FNDC3A: variants seen among roughly 807,000 people sequenced by gnomAD.
FNDC3A encodes the protein fibronectin type-III domain-containing protein 3A.
FNDC3A carries 32 observed loss-of-function variants against 148.9 expected under a neutral mutation model. The ratio of observed to expected loss-of-function variants is 0.21; its 90% confidence interval spans 0.16 to 0.29. The LOEUF is 0.29. Ranked by LOEUF, FNDC3A falls within the 10% of genes least tolerant of loss-of-function variation. The probability of loss-of-function intolerance (pLI) is 1.00; values close to 1 mark genes in which losing one functional copy is unlikely to be tolerated. For synonymous variants in FNDC3A, 472 were observed against 473.6 expected (o/e 1.00, Z 0.04); for missense variants, 1,191 against 1,452.8 (o/e 0.82, Z 2.93).
rs150103698 is a variant in FNDC3A at position 49,168,839 on chromosome 13, A to G, written c.1176+88A>G. 3.3e-5 allele frequency: 40 copies of G among 1,223,750 alleles called. No homozygotes were observed. The Middle Eastern group carries it at 9.8e-4, about 30-fold the overall frequency. 75.8% of individuals were successfully genotyped at this position (1,223,750 alleles called of 1,614,324 possible). On this transcript the variant is annotated intron_variant, in intron 10 of 25. Coordinates refer to ENST00000492622, the MANE Select transcript of FNDC3A (RefSeq NM_001079673.2). The stretch of plus-strand genomic sequence containing the variant: ...TTAAGTTTCAATTGTTGCTGGAGAC[A>G]AAGAGCTTTAATTTGTTCCTGCTTT...
intron 3 of FNDC3A, among the ~76,000 whole-genome samples, 199 bp downstream of exon 3, chr13:49,075,563 G>T (rs891442770): frequency 6.6e-6 from 1 of 152,034 alleles, no homozygotes; most frequent in Non-Finnish European, 1.5e-5. Context: ...TGATTATGTT[G>T]ATTATTCTTG....
intron 3 of FNDC3A, among the ~76,000 whole-genome samples, chr13:49,092,655 A>G (rs1400446022): frequency 6.6e-6 from 1 of 152,122 alleles, no homozygotes; most frequent in Admixed American, 6.5e-5. Context: ...AAAATCACAC[A>G]GGAGCATGCA....
At chr13:49,123,378 C>T (rs1371223979) in intron 4 of FNDC3A, among the ~76,000 whole-genome samples, 1 of 152,038 alleles carries the variant, frequency 6.6e-6, no homozygotes, top group Non-Finnish European at 1.5e-5. Flanking sequence ...AATATAAAAC[C>T]TAAAACCGTA....
chr13:49,073,747 G>A (rs956780259), intron 2 of FNDC3A, among the ~76,000 whole-genome samples: 3 of 142,892 alleles, frequency 2.1e-5, no homozygotes, highest in Non-Finnish European at 3.0e-5. Flanking sequence ...TATAATATAT[G>A]TGTATATATA....
intron 8 of FNDC3A, among the ~76,000 whole-genome samples, chr13:49,150,403 C>A (rs537627441): frequency 3.8e-4 from 58 of 152,234 alleles, no homozygotes; most frequent in African/African-American, 1.3e-3. Context: ...ACATTTATTG[C>A]TATAAACTTC....
intron 2 of FNDC3A, among the ~76,000 whole-genome samples, chr13:49,035,759 T>C (rs1874445743): frequency 6.6e-6 from 1 of 152,100 alleles, no homozygotes; most frequent in Admixed American, 6.5e-5. Context: ...TACCCATTAA[T>C]TGTTTGCCAA....
At position 48,991,515 on chromosome 13, in the gene FNDC3A, C is replaced by T. The variant is rs548440024; in HGVS notation, c.-39-14637C>T. ...CAGCCTGGGCAATGTGGTGAAACTACGTCTCTACAAAAAAATACAAAAATT... is the reference window on the plus strand; with the variant it reads ...CAGCCTGGGCAATGTGGTGAAACTATGTCTCTACAAAAAAATACAAAAATT... On this transcript the variant is annotated intron_variant, in intron 1 of 25. Coordinates refer to ENST00000492622, the MANE Select transcript of FNDC3A (RefSeq NM_001079673.2). 2.7e-3 allele frequency among the ~76,000 whole-genome samples: 416 copies of T among 151,790 alleles called. 2 individuals carry two copies. The highest frequency in any genetic ancestry group is 9.6e-3 in the African/African-American group (397 of 41,402).
In FNDC3A at chr13:49,197,732, T is replaced by G; in HGVS notation, c.2348T>G (p.Leu783Trp). 1 of 1,602,086 alleles carries G rather than the reference T, an allele frequency of 6.2e-7. No homozygotes were observed. The highest frequency in any genetic ancestry group is 8.5e-7 in the Non-Finnish European group (1 of 1,177,348). Residue 783 changes from leucine to tryptophan, a missense_variant, in exon 21 of 26, where the codon TTG becomes TGG. By Grantham distance (61) the Leu-to-Trp change is moderately conservative. This residue lies in a region of FNDC3A where 751 missense variants were observed against 944.0 expected (regional missense o/e 0.80). Coordinates refer to ENST00000492622, the MANE Select transcript of FNDC3A (RefSeq NM_001079673.2). ...CCTTTTCTTAATTTAAAGGTTCCTT[T>G]GAGTAATGGAACAGATGTCACTGAA... Reference protein sequence around the residue: ...TCAQVNWEVPLSNGTDVTEYR... With the variant: ...TCAQVNWEVPWSNGTDVTEYR...
intron 7 of FNDC3A, among the ~76,000 whole-genome samples, chr13:49,139,476 T>G (rs560011393): frequency 6.6e-6 from 1 of 152,320 alleles, no homozygotes; most frequent in East Asian, 1.9e-4. Context: ...TTTGTTTTTC[T>G]GAGAAAACAG....
At chr13:49,159,595 C>G (rs749522198) in intron 8 of FNDC3A, among the ~76,000 whole-genome samples, 5 of 152,128 alleles carry the variant, frequency 3.3e-5, no homozygotes, top group Admixed American at 6.6e-5. Flanking sequence ...GTTTTCCTAA[C>G]TGAATACCAT....
chr13:49,063,230 A>G (rs1351995021), intron 2 of FNDC3A, among the ~76,000 whole-genome samples: 1 of 152,234 alleles, frequency 6.6e-6, no homozygotes, highest in Non-Finnish European at 1.5e-5. Context: ...ATGTTTCCTA[A>G]CATTAAAGCC....
intron 7 of FNDC3A, 143 bp from the exon 8 acceptor site, chr13:49,145,635 A>G (rs1219520159): frequency 1.5e-6 from 1 of 650,214 alleles, no homozygotes; most frequent in Non-Finnish European, 2.6e-6. Context: ...ATTATTTGCA[A>G]TGGGCAGGTT....
intron 8 of FNDC3A, among the ~76,000 whole-genome samples, chr13:49,161,017 G>T (rs936955290): frequency 2.0e-5 from 3 of 152,176 alleles, no homozygotes; most frequent in African/African-American, 7.2e-5. Flanking sequence ...TTTTACATTT[G>T]CTGAGGAGTG....
At chr13:49,201,265 T>C (rs748916361) in intron 23 of FNDC3A, 1 of 167,288 alleles carries the variant, frequency 6.0e-6, no homozygotes, top group Middle Eastern at 5.0e-4. Flanking sequence ...TCATACTGCT[T>C]TTGTAAATCT....
intron 23 of FNDC3A, among the ~76,000 whole-genome samples, chr13:49,200,004 C>T (rs977004159): frequency 2.0e-5 from 3 of 152,076 alleles, no homozygotes; most frequent in African/African-American, 7.2e-5. Flanking sequence ...ATTCTAATGC[C>T]AACTAGGGCT....
chr13:49,065,236 T>C (rs1877185831), intron 2 of FNDC3A, among the ~76,000 whole-genome samples: 1 of 152,144 alleles, frequency 6.6e-6, no homozygotes, highest in African/African-American at 2.4e-5. Context: ...CTCTGTGGCA[T>C]CTTCAGCAGA....
In FNDC3A at chr13:48,995,619, T is replaced by G. The variant is rs1233852112; in HGVS notation, c.-39-10533T>G. ...AGATAACAAGATTGCTTATTATGTC[T>G]TCATAAAATTTCACATTAACATATG... On this transcript the variant is annotated intron_variant, in intron 1 of 25. Transcript: ENST00000492622. 4.6e-5 allele frequency among the ~76,000 whole-genome samples: 7 copies of G among 152,176 alleles called. No individual in the cohort carries two copies. The East Asian group carries it at 1.3e-3, about 29-fold the overall frequency.
Position 49,136,601 on chromosome 13 carries a change from G to A in FNDC3A, c.760G>A (p.Glu254Lys), listed in dbSNP as rs770391734. The change falls in exon 6 of 26, where the codon GAA becomes AAA. Residue 254 changes from glutamate to lysine, a missense_variant and splice_region_variant. Around this residue, in one of 3 missense-constraint regions of FNDC3A, gnomAD observed 426 missense variants for 473.2 expected, o/e 0.90. Coordinates refer to ENST00000492622, the MANE Select transcript of FNDC3A (RefSeq NM_001079673.2). ...GGTQVDTEIEEKDEETKAFEA... is the reference protein window; with the variant it reads ...GGTQVDTEIEKKDEETKAFEA... The stretch of plus-strand genomic sequence containing the variant: ...TACACAAGTTGATACAGAAATTGAA[G>A]GTAACTGTTTGAAGTACTGAACTGT... 1.2e-6 allele frequency: 2 copies of A among 1,610,938 alleles called. No homozygotes were observed. The highest frequency in any genetic ancestry group is 2.7e-5 in the African/African-American group (2 of 74,854).
intron 8 of FNDC3A, among the ~76,000 whole-genome samples, chr13:49,160,917 T>C (rs1046181126): frequency 6.6e-6 from 1 of 152,228 alleles, no homozygotes; most frequent in African/African-American, 2.4e-5. Flanking sequence ...AGTTTCCATG[T>C]AGTTATGCGG....
Sources: gnomAD v4.1 joint callset for allele counts (sites outside exome capture counted in the v4.1 genomes callset) on GRCh38, gnomAD v4.1.1 for gene constraint, gnomAD v4.1.1 regional missense constraint, MANE v1.5 for transcripts, NCBI Gene and HGNC (gene_info 2026-07-23, HGNC 2026-07-21) for gene names.